The following RPP30 variants were observed in gnomAD, a reference collection of about 807,000 sequenced individuals.
RPP30 encodes ribonuclease P protein subunit p30.
In RPP30, 36 loss-of-function variants were observed where a neutral mutation model predicts 38.6. The ratio of observed to expected loss-of-function variants is 0.93; its 90% confidence interval spans 0.71 to 1.23. RPP30 has a LOEUF of 1.23. RPP30 is among the 50% of genes most tolerant of loss of function. The pLI, the probability that RPP30 is intolerant of heterozygous loss-of-function variation, is 0.00. For missense variants in RPP30, 321 were observed against 321.7 expected, an observed-to-expected ratio of 1.00 and a Z score of 0.02; for synonymous variants, 126 against 112.7, an observed-to-expected ratio of 1.12 and a Z score of -0.75.
chr10:90,903,069 A>T (rs1278807633), downstream of RPP30: 1 of 678,434 alleles, frequency 1.5e-6, no homozygotes, highest in Non-Finnish European at 2.7e-6. Flanking sequence ...GGTTTGGAAA[A>T]GAGTCATTAC....
chr10:90,883,017 G>A (rs1296765793), intron 5 of RPP30, among the ~76,000 whole-genome samples: 1 of 152,062 alleles, frequency 6.6e-6, no homozygotes, highest in Non-Finnish European at 1.5e-5. Flanking sequence ...AATGGAGGTA[G>A]GGCCTGGTTG....
rs1846783500 is a variant in RPP30 at position 90,872,056 on chromosome 10, A to G, written c.70A>G (p.Thr24Ala). 5 of 1,613,842 alleles carry G rather than the reference A, an allele frequency of 3.1e-6. No individual in the cohort carries two copies. The African/African-American group carries it at 5.3e-5, about 17-fold the overall frequency. ...GAAGGCTCTGCGCGGACTTGTGGAG[A>G]CAGCCGCTCACCGTGAGTTGCCCCG... ...DLKALRGLVE[T>A]AAHLGYSVVA... The change falls in exon 1 of 11, where the codon ACA (threonine) becomes GCA (alanine). Residue 24 changes from threonine to alanine, a missense_variant. Transcript: ENST00000371703.
chr10:90,896,530 T>C, intron 10 of RPP30, 138 bp downstream of exon 10: 1 of 614,668 alleles, frequency 1.6e-6, no homozygotes, highest in Non-Finnish European at 2.9e-6. Context: ...AACACAGTCA[T>C]CAGTGTTTTC....
At chr10:90,895,087 A>G in intron 7 of RPP30, 196 bp downstream of exon 7, 1 of 634,030 alleles carries the variant, frequency 1.6e-6, no homozygotes, top group Non-Finnish European at 2.8e-6. Context: ...TAAGGGAGAA[A>G]AAGATGTGTT....
At chr10:90,890,481 G>A (rs995494531) in intron 6 of RPP30, among the ~76,000 whole-genome samples, 1 of 151,856 alleles carries the variant, frequency 6.6e-6, no homozygotes. Context: ...TTCTGTCTTC[G>A]TGGTCCGATT....
intron 6 of RPP30, among the ~76,000 whole-genome samples, chr10:90,893,835 G>A (rs747607859): frequency 1.4e-4 from 21 of 152,188 alleles, no homozygotes; most frequent in Non-Finnish European, 2.2e-4. Flanking sequence ...CTTTTAGAAG[G>A]GAGAAACCAT....
At position 90,900,631 on chromosome 10, in the gene RPP30, A is replaced by C. The variant is rs754898794; in HGVS notation, c.759A>C (p.Gly253=). The part of the protein sequence containing the change: ...STVKKPRPSE[G]DEDCLPASKK... ...TGAAGAAACCTCGGCCATCAGAAGG[A>C]GATGAAGATTGTCTTCCAGCTTCCA... is the stretch of plus-strand genomic sequence containing the variant. The change falls in exon 11 of 11, where the codon GGA becomes GGC. Residue 253 remains glycine, a synonymous_variant. Transcript: ENST00000371703. The C allele has an allele frequency of 1.4e-5, 22 of 1,613,660 alleles. No individual in the cohort carries two copies. Among genetic ancestry groups the C allele is most frequent in the Non-Finnish European group, 1.8e-5 (21 of 1,179,830 alleles).
At chr10:90,877,452 A>G (rs962763615) in intron 4 of RPP30, among the ~76,000 whole-genome samples, 3 of 152,146 alleles carry the variant, frequency 2.0e-5, no homozygotes, top group Non-Finnish European at 4.4e-5. Context: ...GGTTTAGTAC[A>G]GAGTCCTAAG....
At chr10:90,880,317 A>C (rs1846909196) in intron 5 of RPP30, 1 of 151,980 alleles carries the variant, frequency 6.6e-6, no homozygotes, top group African/African-American at 2.4e-5. Flanking sequence ...TGTGCGATAA[A>C]CATTAATAGT....
chr10:90,900,353 T>G (rs1027539184), intron 10 of RPP30, among the ~76,000 whole-genome samples: 5 of 152,236 alleles, frequency 3.3e-5, no homozygotes, highest in Non-Finnish European at 7.3e-5. Context: ...GTTTTACCCA[T>G]GAGGTAATCT....
chr10:90,872,315 G>A (rs1204988045), intron 1 of RPP30, among the ~76,000 whole-genome samples: 1 of 152,198 alleles, frequency 6.6e-6, no homozygotes, highest in African/African-American at 2.4e-5. Context: ...CGAGGGCGAG[G>A]GATTTGCATA....
At chr10:90,892,266 G>C (rs1457254302) in intron 6 of RPP30, among the ~76,000 whole-genome samples, 1 of 152,086 alleles carries the variant, frequency 6.6e-6, no homozygotes, top group Non-Finnish European at 1.5e-5. Flanking sequence ...GCATCAAAAT[G>C]GTCTTACAGC....
In RPP30 at chr10:90,895,439, C is replaced by T. The variant is rs763670183; in HGVS notation, c.550-15C>T. ...ATTTATCTAAGATTAATATTAGTCA[C>T]TTTCTATTTTGTAGAATGTAATTAT... is the stretch of plus-strand genomic sequence containing the variant. On this transcript the variant is annotated splice_polypyrimidine_tract_variant and intron_variant, in intron 7 of 10. Coordinates refer to ENST00000371703, the MANE Select transcript of RPP30 (RefSeq NM_006413.5). 1 of 1,338,140 alleles carries T rather than the reference C, an allele frequency of 7.5e-7. No individual in the cohort carries two copies. The allele number at this position is 1,338,140 out of a possible 1,614,324, so 82.9% of individuals were successfully genotyped here. A position where few individuals can be genotyped will look rare whatever the true frequency, so the allele number is the denominator to read the frequency against.
chr10:90,905,101 TAAC>T (rs1426604233), downstream of RPP30, among the ~76,000 whole-genome samples: 11 of 152,156 alleles, frequency 7.2e-5, no homozygotes, highest in Non-Finnish European at 1.3e-4. Flanking sequence ...TGTCTCTACA[TAAC>T]AACAAGTAGG....
chr10:90,894,260 A>G (rs1235890317), intron 6 of RPP30, among the ~76,000 whole-genome samples: 1 of 152,216 alleles, frequency 6.6e-6, no homozygotes, highest in Non-Finnish European at 1.5e-5. Context: ...CACTCAATTA[A>G]CTATGGCTGT....
chr10:90,896,676 T>G (rs763240004), intron 10 of RPP30, among the ~76,000 whole-genome samples: 2 of 152,214 alleles, frequency 1.3e-5, no homozygotes, highest in Non-Finnish European at 1.5e-5. Flanking sequence ...CTAATCTCCC[T>G]TCCTTCTTCT....
Position 90,885,642 on chromosome 10 carries a change from TAA to T in RPP30, c.343-167_343-166del, listed in dbSNP as rs138175316. Among the ~76,000 whole-genome samples the T allele has an allele frequency of 6.8e-3, 1,034 of 152,278 alleles. 13 individuals carry two copies. The highest frequency in any genetic ancestry group is 0.023 in the African/African-American group (968 of 41,562). Reference sequence around the variant, plus strand: ...ACAGTTAAACCATTTAAACCAAACCTAAAAGAGTAGCAAAACAGTTGACTTTG... The same window carrying T: ...ACAGTTAAACCATTTAAACCAAACCTAAGAGTAGCAAAACAGTTGACTTTG... On this transcript the variant is annotated intron_variant, in intron 5 of 10. Coordinates refer to ENST00000371703, the MANE Select transcript of RPP30 (RefSeq NM_006413.5).
Position 90,872,008 on chromosome 10 carries a change from G to T in RPP30, c.22G>T (p.Asp8Tyr), listed in dbSNP as rs772075340. MAVFADLDLRAGSDLKAL... is the reference protein window; with the variant it reads MAVFADLYLRAGSDLKAL... Reference sequence around the variant, plus strand: ...CAGCATGGCGGTGTTTGCAGATTTGGACCTGCGAGCGGGTTCTGACCTGAA... The same window carrying T: ...CAGCATGGCGGTGTTTGCAGATTTGTACCTGCGAGCGGGTTCTGACCTGAA... The change falls in exon 1 of 11, where the codon GAC (aspartate) becomes TAC (tyrosine). Residue 8 changes from aspartate (D) to tyrosine (Y), a missense_variant. Physicochemically the swap from Asp to Tyr is radical, Grantham distance 160. Transcript: ENST00000371703. 5.6e-6 allele frequency: 9 copies of T among 1,614,032 alleles called. No individual in the cohort carries two copies. The highest frequency in any genetic ancestry group is 3.3e-5 in the Admixed American group (2 of 60,010).
chr10:90,905,641 G>A (rs905425474), downstream of RPP30: 3 of 152,132 alleles, frequency 2.0e-5, no homozygotes, highest in Non-Finnish European at 4.4e-5. Context: ...TTTTTTAAAT[G>A]TCCAGTAACA....
Sources: gnomAD v4.1 joint callset for allele counts (sites outside exome capture counted in the v4.1 genomes callset) on GRCh38, gnomAD v4.1.1 for gene constraint, MANE v1.5 for transcripts, NCBI Gene and HGNC (gene_info 2026-07-23, HGNC 2026-07-21) for gene names.